The following RBFOX1 variants were observed in gnomAD, a reference collection of about 807,000 sequenced individuals.
The protein encoded by RBFOX1 is RNA binding protein fox-1 homolog 1.
A neutral mutation model predicts 57.7 loss-of-function variants in RBFOX1; 8 were observed. The ratio of observed to expected loss-of-function variants is 0.14; its 90% confidence interval spans 0.08 to 0.25. The LOEUF (loss-of-function observed/expected upper bound fraction) is 0.25. Ranked by LOEUF, RBFOX1 falls within the 10% of genes least tolerant of loss-of-function variation. The pLI is 1.00. For synonymous variants in RBFOX1, 326 were observed against 222.4 expected (o/e 1.47, Z -4.15); for missense variants, 611 against 548.5 (o/e 1.11, Z -1.14).
chr16:5,924,552 G>T lies in RBFOX1; in HGVS notation c.351+57217G>T, dbSNP rs567934437. On this transcript the variant is annotated intron_variant, in intron 4 of 19. Coordinates refer to the RBFOX1 transcript ENST00000641259. ...CCTTCTCTCTTGCCCTGTGATCTCTGTACTCACCAACTCCCCTTCATTTTC... is the reference window on the plus strand; with the variant it reads ...CCTTCTCTCTTGCCCTGTGATCTCTTTACTCACCAACTCCCCTTCATTTTC... 8.7e-4 allele frequency among the ~76,000 whole-genome samples: 132 copies of T among 152,136 alleles called. 1 individual carries two copies. The highest frequency in any genetic ancestry group is 2.9e-3 in the African/African-American group (121 of 41,486).
chr16:6,001,395 T>C (rs942089454), intron 4 of RBFOX1, among the ~76,000 whole-genome samples: 9 of 152,332 alleles, frequency 5.9e-5, no homozygotes, highest in African/African-American at 2.2e-4. Context: ...TGTGGAGCTC[T>C]GCAATGTAAT....
chr16:6,571,372 G>C (rs1423653192), intron 2 of RBFOX1, among the ~76,000 whole-genome samples: 1 of 152,158 alleles, frequency 6.6e-6, no homozygotes, highest in Non-Finnish European at 1.5e-5. Flanking sequence ...TTGAAACCTA[G>C]GAGACCATTC....
intron 4 of RBFOX1, among the ~76,000 whole-genome samples, chr16:7,473,596 C>G (rs1287838392): frequency 6.6e-6 from 1 of 151,252 alleles, no homozygotes; most frequent in African/African-American, 2.4e-5. Context: ...TACCTGCTAC[C>G]CATATTATGA....
chr16:5,948,769 G>T (rs1002571391), intron 4 of RBFOX1, among the ~76,000 whole-genome samples: 1 of 152,144 alleles, frequency 6.6e-6, no homozygotes, highest in Non-Finnish European at 1.5e-5. Flanking sequence ...CCAGAAGGGT[G>T]AGAGAATAAT....
chr16:6,389,011 T>A (rs762538642), intron 2 of RBFOX1, among the ~76,000 whole-genome samples: 3 of 152,164 alleles, frequency 2.0e-5, no homozygotes, highest in Non-Finnish European at 4.4e-5. Context: ...AACCCTTTTA[T>A]CCCTCTAACT....
chr16:5,655,880 T>C (rs1408111769), intron 3 of RBFOX1, among the ~76,000 whole-genome samples: 1 of 152,216 alleles, frequency 6.6e-6, no homozygotes, highest in African/African-American at 2.4e-5. Flanking sequence ...CAATGATTTG[T>C]TTTAAAGCAT....
chr16:7,082,490 G>C (rs1445558537), intron 4 of RBFOX1, among the ~76,000 whole-genome samples: 1 of 151,778 alleles, frequency 6.6e-6, no homozygotes, highest in Non-Finnish European at 1.5e-5. Context: ...GCTGAGATGG[G>C]AGGATCGCTT....
intron 3 of RBFOX1, among the ~76,000 whole-genome samples, chr16:6,673,254 C>T (rs536729577): frequency 1.3e-5 from 2 of 152,046 alleles, no homozygotes; most frequent in Non-Finnish European, 2.9e-5. Context: ...CCCAAAGGTC[C>T]CTCATATCCC....
In RBFOX1 at chr16:6,861,019, A is replaced by G; in HGVS notation, c.-15-191038A>G. On this transcript the variant is annotated intron_variant, in intron 3 of 15. Coordinates refer to ENST00000550418, the MANE Select transcript of RBFOX1 (RefSeq NM_018723.4). ...ACACAGTAAGTTCAGCAGTATGCCCACCACTGTTAGGGAGTAGGGGAGCGG... is the reference window on the plus strand; with the variant it reads ...ACACAGTAAGTTCAGCAGTATGCCCGCCACTGTTAGGGAGTAGGGGAGCGG... Among the ~76,000 whole-genome samples the G allele has an allele frequency of 1.3e-5, 2 of 152,306 alleles. 1 individual carries two copies. Among genetic ancestry groups the G allele is most frequent in the South Asian group, 4.1e-4 (2 of 4,822 alleles).
chr16:6,994,867 T>C (rs910497182), intron 3 of RBFOX1, among the ~76,000 whole-genome samples: 2 of 152,156 alleles, frequency 1.3e-5, no homozygotes, highest in East Asian at 1.9e-4. Context: ...TGAGATGTTA[T>C]CAAAACAAAA....
At chr16:6,773,322 G>C (rs1308042621) in intron 3 of RBFOX1, among the ~76,000 whole-genome samples, 2 of 142,424 alleles carry the variant, frequency 1.4e-5, no homozygotes, top group Admixed American at 1.4e-4. Flanking sequence ...TTGGGTATGG[G>C]GTGCATTTCT....
chr16:5,339,851 C>T (rs951349238), intron 1 of RBFOX1, among the ~76,000 whole-genome samples: 22 of 152,050 alleles, frequency 1.4e-4, no homozygotes, highest in Non-Finnish European at 1.5e-4. Flanking sequence ...TTTCCCAGCC[C>T]GGGGACTGAG....
chr16:7,179,167 G>A (rs945602971), intron 4 of RBFOX1, among the ~76,000 whole-genome samples: 8 of 151,938 alleles, frequency 5.3e-5, no homozygotes, highest in Non-Finnish European at 5.9e-5. Context: ...TTTGGGGGTA[G>A]GAGGTTGGGA....
intron 4 of RBFOX1, among the ~76,000 whole-genome samples, chr16:5,874,773 C>G (rs1389820867): frequency 6.6e-6 from 1 of 152,170 alleles, no homozygotes; most frequent in Non-Finnish European, 1.5e-5. Flanking sequence ...GCAAGACCCT[C>G]TCTCTCCAAA....
chr16:5,506,045 C>T (rs1567172626), intron 2 of RBFOX1, among the ~76,000 whole-genome samples: 1 of 152,110 alleles, frequency 6.6e-6, no homozygotes, highest in Non-Finnish European at 1.5e-5. Flanking sequence ...TCTCAGAGTC[C>T]TAGACTCTGA....
At chr16:6,988,338 T>C (rs1380901292) in intron 3 of RBFOX1, among the ~76,000 whole-genome samples, 1 of 152,160 alleles carries the variant, frequency 6.6e-6, no homozygotes, top group African/African-American at 2.4e-5. Context: ...GTGTTTATAA[T>C]CTTACTGTCC....
chr16:7,430,970 C>T (rs781371453), intron 4 of RBFOX1, among the ~76,000 whole-genome samples: 1 of 152,162 alleles, frequency 6.6e-6, no homozygotes, highest in African/African-American at 2.4e-5. Context: ...AATAGAAGCA[C>T]GTGTACTTGA....
chr16:7,215,227 A>G (rs2091841255), intron 4 of RBFOX1, among the ~76,000 whole-genome samples: 1 of 152,174 alleles, frequency 6.6e-6, no homozygotes, highest in Non-Finnish European at 1.5e-5. Flanking sequence ...CTCCAAGTGT[A>G]AATTAGTTCA....
chr16:6,563,992 C>T (rs1173625157), intron 2 of RBFOX1, among the ~76,000 whole-genome samples: 1 of 151,996 alleles, frequency 6.6e-6, no homozygotes, highest in Non-Finnish European at 1.5e-5. Flanking sequence ...AGGGGACAGA[C>T]ATGTAAACTA....
Sources: allele counts gnomAD v4.1 joint callset (sites outside exome capture counted in the v4.1 genomes callset), GRCh38; gene constraint gnomAD v4.1.1; transcripts MANE v1.5; gene names NCBI Gene and HGNC (gene_info 2026-07-23, HGNC 2026-07-21).